Variants in ADAMTS2 observed in about 807,000 individuals in gnomAD.
ADAMTS2 encodes the protein ADAM metallopeptidase with thrombospondin type 1 motif 2, also known as A disintegrin and metalloproteinase with thrombospondin motifs 2.
Under a neutral mutation model 123.0 loss-of-function variants are expected in ADAMTS2, and 50 were observed. The ratio of observed to expected loss-of-function variants is 0.41; its 90% CI spans 0.32 to 0.51. ADAMTS2 has a LOEUF of 0.51. Ranked by LOEUF, ADAMTS2 falls within the 20% of genes least tolerant of loss-of-function variation. The probability of loss-of-function intolerance (pLI) is 0.35; values close to 1 mark genes in which losing one functional copy is unlikely to be tolerated. For synonymous variants in ADAMTS2, 678 were observed against 695.4 expected (o/e 0.98, Z 0.39); for missense variants, 1,494 against 1,705.2 (o/e 0.88, Z 2.18).
At chr5:179,226,180 GCTTTT>G (rs1231039275) in intron 3 of ADAMTS2, among the ~76,000 whole-genome samples, 3 of 151,454 alleles carry the variant, frequency 2.0e-5, no homozygotes, top group East Asian at 3.9e-4. Context: ...AAAGACAGCA[GCTTTT>G]CTTTTCTTCT....
chr5:179,223,753 G>A (rs576752317), intron 3 of ADAMTS2, among the ~76,000 whole-genome samples: 2 of 152,160 alleles, frequency 1.3e-5, no homozygotes, highest in Non-Finnish European at 2.9e-5. Context: ...GTGTATGTGA[G>A]TGCATGTGCG....
chr5:179,340,021 C>G (rs1052863810), intron 2 of ADAMTS2, among the ~76,000 whole-genome samples: 28 of 152,386 alleles, frequency 1.8e-4, no homozygotes, highest in African/African-American at 6.5e-4. Context: ...GGAGCCCCAG[C>G]CTGAAAGGCA....
rs745895983 is a variant in ADAMTS2, at chr5:179,285,621, C to G, written c.535-12557G>C. On this transcript the variant is annotated intron_variant, in intron 2 of 21. Coordinates refer to ENST00000251582, the MANE Select transcript of ADAMTS2 (RefSeq NM_014244.5). This position sits in a 1 kb window ranked among gnomAD's most constrained non-coding sequence, Gnocchi z 4.9. ...CTGCAACAGGCCTGCCTATTTGTGA[C>G]GAGAACTGACACTCGTCCCGGCCAG... Among the ~76,000 whole-genome samples, 1 of 152,206 alleles carries G rather than the reference C, an allele frequency of 6.6e-6. No individual in the cohort carries two copies. The highest frequency in any genetic ancestry group is 1.5e-5 in the Non-Finnish European group (1 of 68,038).
intron 3 of ADAMTS2, among the ~76,000 whole-genome samples, chr5:179,230,989 C>T (rs1176726085): frequency 1.3e-5 from 2 of 150,662 alleles, no homozygotes; most frequent in East Asian, 2.0e-4. Flanking sequence ...CCAGCCTGGG[C>T]AACAGAGCGA....
At chr5:179,309,562 C>G (rs963583943) in intron 2 of ADAMTS2, among the ~76,000 whole-genome samples, 1 of 152,006 alleles carries the variant, frequency 6.6e-6, no homozygotes, top group African/African-American at 2.4e-5. Context: ...TAGAGACCAT[C>G]GTGGCTAACA....
chr5:179,207,475 T>TGCCCCCCCCCCCCCC, intron 4 of ADAMTS2, 38 bp downstream of exon 4: 4 of 588,616 alleles, frequency 6.8e-6, no homozygotes, highest in Non-Finnish European at 6.4e-6. Flanking sequence ...TGGTTGACCC[T>TGCCCCCCCCCCCCCC]CCCCGCCCCA....
chr5:179,165,159 A>T (rs1763672710), intron 5 of ADAMTS2, among the ~76,000 whole-genome samples: 1 of 152,120 alleles, frequency 6.6e-6, no homozygotes, highest in Non-Finnish European at 1.5e-5. Context: ...CAGCGGGACC[A>T]CCTGCTGGGA....
At chr5:179,340,583 G>A (rs1158555428) in intron 2 of ADAMTS2, among the ~76,000 whole-genome samples, 1 of 152,214 alleles carries the variant, frequency 6.6e-6, no homozygotes, top group South Asian at 2.1e-4. Flanking sequence ...GCATGGCCTT[G>A]GAATCAGATT....
At chr5:179,207,804 A>T in intron 3 of ADAMTS2, 89 bp from the exon 4 acceptor site, 1 of 1,162,198 alleles carries the variant, frequency 8.6e-7, no homozygotes, top group Admixed American at 1.8e-5. Context: ...CCTCTCATTT[A>T]AAACTCATAG....
In ADAMTS2 at chr5:179,154,199, G is replaced by A; in HGVS notation, c.1239-7C>T. ...GTCGTGCTCCATGCCCAGCCTGCGA[G>A]GGCCGAGGCAGCTGGCTGAATCCCA... On this transcript the variant is annotated splice_region_variant and splice_polypyrimidine_tract_variant and intron_variant, in intron 7 of 21. Coordinates refer to ENST00000251582, the MANE Select transcript of ADAMTS2 (RefSeq NM_014244.5). 2.6e-6 allele frequency: 4 copies of A among 1,548,646 alleles called. No individual in the cohort carries two copies. Among genetic ancestry groups the A allele is most frequent in the Non-Finnish European group, 3.5e-6 (4 of 1,153,754 alleles).
chr5:179,112,003 G>A lies in ADAMTS2; in HGVS notation c.*1864C>T, dbSNP rs1561760954. 1 of 152,312 alleles carries A rather than the reference G, an allele frequency of 6.6e-6. No homozygotes were observed. The highest frequency in any genetic ancestry group is 2.4e-5 in the African/African-American group (1 of 41,440). 9.4% of individuals were successfully genotyped at this position (152,312 alleles called of 1,614,324 possible). A position where few individuals can be genotyped will look rare whatever the true frequency, so the allele number is the denominator to read the frequency against. On this transcript the variant is annotated 3_prime_UTR_variant, in exon 22 of 22. Coordinates refer to ENST00000251582, the MANE Select transcript of ADAMTS2 (RefSeq NM_014244.5). ...TGGGATGCGGTGGTGGAGGGCGGGA[G>A]GCTAGCCATCACCCAGGTGGAGACT...
At chr5:179,283,179 A>G (rs550275509) in intron 2 of ADAMTS2, among the ~76,000 whole-genome samples, 1 of 152,278 alleles carries the variant, frequency 6.6e-6, no homozygotes, top group South Asian at 2.1e-4. Flanking sequence ...TCTATGCTAC[A>G]GGGATAATGA....
At position 179,262,383 on chromosome 5, in the gene ADAMTS2, G is replaced by T. The variant is rs924004374; in HGVS notation, c.688+10528C>A. Among the ~76,000 whole-genome samples, 19 of 151,628 alleles carry T rather than the reference G, an allele frequency of 1.3e-4. No homozygotes were observed. The highest frequency in any genetic ancestry group is 4.6e-4 in the African/African-American group (19 of 41,204). On this transcript the variant is annotated intron_variant, in intron 3 of 21. Coordinates refer to ENST00000251582, the MANE Select transcript of ADAMTS2 (RefSeq NM_014244.5). This position sits in a 1 kb window ranked among gnomAD's most constrained non-coding sequence, Gnocchi z 5.9. ...TGCCTCCACCGCCATCTGTCACCGG[G>T]ACTCCTCCCTGCTTCCACACCGTCC... is the stretch of plus-strand genomic sequence containing the variant.
In ADAMTS2 at chr5:179,132,978, C is replaced by A; in HGVS notation, c.2086-78G>T. 1.3e-6 allele frequency: 2 copies of A among 1,559,602 alleles called. No individual in the cohort carries two copies. Among genetic ancestry groups the A allele is most frequent in the East Asian group, 2.4e-5 (1 of 42,176 alleles). On this transcript the variant is annotated intron_variant, in intron 13 of 21. Coordinates refer to ENST00000251582, the MANE Select transcript of ADAMTS2 (RefSeq NM_014244.5). The surrounding 1 kb of genome is among the most constrained non-coding windows in gnomAD (Gnocchi z 6.1). ...GGTCATACTATGTTGCCCCCAGTCT[C>A]GAACACCTGGCCTCAAGCGATCCTC...
At chr5:179,154,940 G>T in intron 6 of ADAMTS2, 21 bp from the exon 7 acceptor site, 11 of 1,601,482 alleles carry the variant, frequency 6.9e-6, no homozygotes, top group Non-Finnish European at 9.4e-6. Flanking sequence ...ACAAGAGGCG[G>T]CTCCAGATGC....
chr5:179,126,586 T>C (rs1561768289), intron 17 of ADAMTS2, among the ~76,000 whole-genome samples: 1 of 152,216 alleles, frequency 6.6e-6, no homozygotes, highest in Non-Finnish European at 1.5e-5. Context: ...GGGACATGTT[T>C]GGTTGTCACA....
chr5:179,237,926 C>T (rs905772460), intron 3 of ADAMTS2, among the ~76,000 whole-genome samples: 1 of 152,210 alleles, frequency 6.6e-6, no homozygotes, highest in Non-Finnish European at 1.5e-5. Context: ...ACACGCACGC[C>T]GCAGTGTAGC....
intron 3 of ADAMTS2, among the ~76,000 whole-genome samples, chr5:179,261,271 C>T (rs569682073): frequency 6.6e-5 from 10 of 152,266 alleles, no homozygotes; most frequent in South Asian, 2.1e-4. Flanking sequence ...ACCAAAGAAG[C>T]GCAAATTAGC....
At chr5:179,224,382 G>T (rs1765223957) in intron 3 of ADAMTS2, among the ~76,000 whole-genome samples, 1 of 152,176 alleles carries the variant, frequency 6.6e-6, no homozygotes, top group Non-Finnish European at 1.5e-5. Context: ...TCGACCTGTG[G>T]GTCCCTGCTA....
Sources: allele counts gnomAD v4.1 joint callset (sites outside exome capture counted in the v4.1 genomes callset), GRCh38; gene constraint gnomAD v4.1.1; non-coding constraint Gnocchi (gnomAD v3.1); transcripts MANE v1.5; gene names NCBI Gene and HGNC (gene_info 2026-07-23, HGNC 2026-07-21).